ARHGAP45: variants seen among roughly 807,000 people sequenced by gnomAD.
ARHGAP45 encodes the protein Rho GTPase activating protein 45.
In ARHGAP45, 56 loss-of-function variants were observed where a neutral mutation model predicts 116.1. The observed-to-expected ratio is 0.48, with a 90% CI of 0.39 to 0.60. The LOEUF is 0.60. Ranked by LOEUF, ARHGAP45 falls within the 20% of genes least tolerant of loss-of-function variation. The pLI, the probability that ARHGAP45 is intolerant of heterozygous loss-of-function variation, is 0.00. For synonymous variants in ARHGAP45, 866 were observed against 701.7 expected (o/e 1.23, Z -3.70); for missense variants, 1,622 against 1,601.0 (o/e 1.01, Z -0.22).
rs150994364 is a variant in ARHGAP45, at chr19:1,080,477, C to G, written c.1842C>G (p.His614Gln). Residue 614 changes from histidine to glutamine, a missense_variant, in exon 15 of 23, where the codon CAC becomes CAG. By Grantham distance (24) the His-to-Gln change is conservative. This residue lies in a region of ARHGAP45 where 1,334 missense variants were observed against 1,263.8 expected (regional missense o/e 1.06). Transcript: ENST00000313093. Reference sequence around the variant, plus strand: ...CTCTTTCTCCAGCCGGGCGAGGACACCAGGTTCACAAGTCATGGCCGCTCT... The same window carrying G: ...CTCTTTCTCCAGCCGGGCGAGGACAGCAGGTTCACAAGTCATGGCCGCTCT... ...PAKDHRAGRG[H>Q]QVHKSWPLSI... The G allele has an allele frequency of 2.2e-5, 35 of 1,612,740 alleles. No homozygotes were observed. The African/African-American group carries it at 4.1e-4, about 19-fold the overall frequency.
In ARHGAP45 at chr19:1,068,199, A is replaced by C; in HGVS notation, c.91-215A>C. ...GCCCCGCCCCGGCTGTGGTTTGGGC[A>C]AGGACCGTTGTTTGTGAAAGCTCTA... is the stretch of plus-strand genomic sequence containing the variant. On this transcript the variant is annotated intron_variant, in intron 1 of 22. Coordinates refer to ENST00000313093, the MANE Select transcript of ARHGAP45 (RefSeq NM_012292.5). The surrounding 1 kb of genome is among the most constrained non-coding windows in gnomAD (Gnocchi z 7.5). The C allele has an allele frequency of 3.7e-6, 2 of 540,756 alleles. No individual in the cohort carries two copies. The highest frequency in any genetic ancestry group is 6.4e-6 in the Non-Finnish European group (2 of 314,400). 33.5% of individuals were successfully genotyped at this position (540,756 alleles called of 1,614,324 possible).
chr19:1,083,992 C>T (rs971126270), intron 21 of ARHGAP45, among the ~76,000 whole-genome samples: 7 of 152,180 alleles, frequency 4.6e-5, no homozygotes, highest in African/African-American at 1.4e-4. Flanking sequence ...CCGCACCCCC[C>T]TTGGCCTCCT....
At chr19:1,079,419 G>A (rs1020681367) in intron 11 of ARHGAP45, among the ~76,000 whole-genome samples, 1 of 150,128 alleles carries the variant, frequency 6.7e-6, no homozygotes, top group African/African-American at 2.5e-5. Flanking sequence ...AGGCAGAATT[G>A]CTTGAACCCG....
In ARHGAP45 at chr19:1,077,997, C is replaced by G; in HGVS notation, c.1326C>G (p.Thr442=). Reference sequence around the variant, plus strand: ...CGCCGGGAGCAGGCAGCACGGCCACCAAGACCCTGGACAAGCGGCGGCGGC... The same window carrying G: ...CGCCGGGAGCAGGCAGCACGGCCACGAAGACCCTGGACAAGCGGCGGCGGC... The part of the protein sequence containing the change: ...GSAPGAGSTA[T]KTLDKRRRLE... The change falls in exon 11 of 23, where the codon ACC becomes ACG. Residue 442 remains threonine, a synonymous_variant. Transcript: ENST00000313093. The G allele has an allele frequency of 6.4e-7, 1 of 1,555,576 alleles. No homozygotes were observed. The highest frequency in any genetic ancestry group is 8.7e-7 in the Non-Finnish European group (1 of 1,148,792).
At position 1,080,958 on chromosome 19, in the gene ARHGAP45, G is replaced by A; in HGVS notation, c.2084G>A (p.Gly695Glu). ...AVPSGPFRHE[G>E]LSKAARTHRL... ...CCCAGTGGACCGTTCCGCCACGAGG[G>A]GCTGTCCAAGGCGGCCCGTACTCAC... The change falls in exon 17 of 23, where the codon GGG becomes GAG. Residue 695 changes from glycine to glutamate, a missense_variant. Gly to Glu is a moderately conservative substitution (Grantham distance 98). Transcript: ENST00000313093. 6.2e-7 allele frequency: 1 copy of A among 1,608,710 alleles called. No individual in the cohort carries two copies.
rs775340010 is a variant in ARHGAP45 at position 1,067,460 on chromosome 19, A to G, written c.55A>G (p.Asn19Asp). The G allele has an allele frequency of 1.9e-6, 3 of 1,605,480 alleles. No individual in the cohort carries two copies. The highest frequency in any genetic ancestry group is 2.5e-6 in the Non-Finnish European group (3 of 1,176,560). The change falls in exon 1 of 23, where the codon AAC becomes GAC. Residue 19 changes from asparagine (N) to aspartate (D), a missense_variant. Coordinates refer to ENST00000313093, the MANE Select transcript of ARHGAP45 (RefSeq NM_012292.5). ...LMKTPSISKK[N>D]RAGSPSPQPS... ...GAAAACCCCTTCCATCTCGAAAAAG[A>G]ACCGCGCGGGAAGCCCCAGCCCGCA...
In ARHGAP45 at chr19:1,083,367, C is replaced by T; in HGVS notation, c.2955+14C>T. 1.3e-6 allele frequency: 2 copies of T among 1,539,278 alleles called. No homozygotes were observed. The highest frequency in any genetic ancestry group is 1.7e-6 in the Non-Finnish European group (2 of 1,146,340). ...CCCGGGGGCCAGGTGAGGGTGTGGGCCTGACCGGGGCTGGCCACTCGGGGC... is the reference window on the plus strand; with the variant it reads ...CCCGGGGGCCAGGTGAGGGTGTGGGTCTGACCGGGGCTGGCCACTCGGGGC... On this transcript the variant is annotated intron_variant, in intron 21 of 22. Coordinates refer to ENST00000313093, the MANE Select transcript of ARHGAP45 (RefSeq NM_012292.5).
chr19:1,081,168 G>A, intron 17 of ARHGAP45, 104 bp downstream of exon 17: 1 of 1,308,042 alleles, frequency 7.6e-7, no homozygotes, highest in Non-Finnish European at 1.0e-6. Context: ...CCAGAGCAGG[G>A]AGCAGTCGGA....
chr19:1,075,998 G>A (rs1011562552), intron 10 of ARHGAP45, among the ~76,000 whole-genome samples: 18 of 152,238 alleles, frequency 1.2e-4, no homozygotes, highest in African/African-American at 4.3e-4. Flanking sequence ...AGGCTCACCC[G>A]ATATCAGTCA....
In ARHGAP45 at chr19:1,071,094, C is replaced by T; in HGVS notation, c.422-2055C>T. On this transcript the variant is annotated intron_variant, in intron 2 of 22. Coordinates refer to ENST00000313093, the MANE Select transcript of ARHGAP45 (RefSeq NM_012292.5). This position sits in a 1 kb window ranked among gnomAD's most constrained non-coding sequence, Gnocchi z 4.6. ...TCTGGGCCTCAGTTTCCCTGCCCGT[C>T]CTCGACCCTCCCCACCTCGAAGCTC... is the stretch of plus-strand genomic sequence containing the variant. The T allele has an allele frequency of 1.0e-6, 1 of 999,194 alleles. No individual in the cohort carries two copies. The highest frequency in any genetic ancestry group is 3.8e-4 in the Middle Eastern group (1 of 2,660). 61.9% of individuals were successfully genotyped at this position (999,194 alleles called of 1,614,324 possible).
rs2043205212 is a variant in ARHGAP45, at chr19:1,074,722, C to G, written c.1102C>G (p.Gln368Glu). The change falls in exon 9 of 23, where the codon CAG (glutamine) becomes GAG (glutamate). Residue 368 changes from glutamine to glutamate, a missense_variant and splice_region_variant. By Grantham distance (29) the Gln-to-Glu change is conservative. This residue lies in a region of ARHGAP45 where 1,334 missense variants were observed against 1,263.8 expected (regional missense o/e 1.06). Transcript: ENST00000313093. ...VGTLQTQTFM[Q>E]PLTLRRLEHE... ...CACCTTGCAGACCCAGACCTTCATG[C>G]AGGTGCGTGGTGCCCGGGAGGGCGG... The G allele has an allele frequency of 9.3e-6, 15 of 1,606,552 alleles. No individual in the cohort carries two copies. Among genetic ancestry groups the G allele is most frequent in the Non-Finnish European group, 1.3e-5 (15 of 1,177,586 alleles).
In ARHGAP45 at chr19:1,085,529, C is replaced by CATCTCTCTCCCCCCTCTCCTGTCTCTCCT. The variant is rs147365366; in HGVS notation, c.3065-131_3065-130insATCTCTCTCCCCCCTCTCCTGTCTCTCCT. The CATCTCTCTCCCCCCTCTCCTGTCTCTCCT allele has an allele frequency of 8.5e-4, 544 of 643,560 alleles. 14 individuals carry two copies. In the African/African-American group the frequency reaches 0.01, roughly 12 times the overall value. The allele number at this position is 643,560 out of a possible 1,614,324, so 39.9% of individuals were successfully genotyped here. On this transcript the variant is annotated intron_variant, in intron 22 of 22. Transcript: ENST00000313093. Reference sequence around the variant, plus strand: ...CTCTCCTCCATCTCTCCTGTCTCTCCCCATCTCTCCTGTCTCTCCATCTCT... The same window carrying CATCTCTCTCCCCCCTCTCCTGTCTCTCCT: ...CTCTCCTCCATCTCTCCTGTCTCTCCATCTCTCTCCCCCCTCTCCTGTCTCTCCTCCATCTCTCCTGTCTCTCCATCTCT...
At chr19:1,078,095 A>G (rs941763668) in intron 11 of ARHGAP45, 50 bp downstream of exon 11, 2 of 1,517,172 alleles carry the variant, frequency 1.3e-6, no homozygotes, top group South Asian at 1.2e-5. Context: ...AGGAGATCCA[A>G]TGCTTGGTGT....
At chr19:1,077,408 T>G in intron 10 of ARHGAP45, 2 of 982,586 alleles carry the variant, frequency 2.0e-6, no homozygotes, top group Non-Finnish European at 1.2e-6. Flanking sequence ...CTGGAATCTC[T>G]GTTGCCCAGG....
In ARHGAP45 at chr19:1,079,853, C is replaced by G. The variant is rs1449156260; in HGVS notation, c.1512+13C>G. The G allele has an allele frequency of 1.3e-6, 2 of 1,596,760 alleles. No homozygotes were observed. The highest frequency in any genetic ancestry group is 2.2e-5 in the East Asian group (1 of 44,498). On this transcript the variant is annotated intron_variant, in intron 12 of 22. Coordinates refer to ENST00000313093, the MANE Select transcript of ARHGAP45 (RefSeq NM_012292.5). ...AACCATCAAGTCGGTGCGTGGGGTG[C>G]TCCGGCCGCCCGGGCGGGGATGGTG...
chr19:1,068,351 G>C lies in ARHGAP45; in HGVS notation c.91-63G>C, dbSNP rs1051010208. On this transcript the variant is annotated intron_variant, in intron 1 of 22. Transcript: ENST00000313093. This position sits in a 1 kb window ranked among gnomAD's most constrained non-coding sequence, Gnocchi z 7.5. ...TCCACAGCCCCACTTCATTTCTGGG[G>C]AAACTGAGGCCGTGTCCAGGCCGGA... 2.9e-6 allele frequency: 4 copies of C among 1,397,026 alleles called. No homozygotes were observed. The highest frequency in any genetic ancestry group is 3.8e-6 in the Non-Finnish European group (4 of 1,048,384). 86.5% of individuals were successfully genotyped at this position (1,397,026 alleles called of 1,614,324 possible). A position where few individuals can be genotyped will look rare whatever the true frequency, so the allele number is the denominator to read the frequency against.
Position 1,080,560 on chromosome 19 carries a change from C to G in ARHGAP45, c.1912+13C>G. On this transcript the variant is annotated intron_variant, in intron 15 of 22. Transcript: ENST00000313093. ...GGCCCTGGCGCAGGTGAGGGAGGCT[C>G]TCTGGCGGGCTGGGGTGTGGAGCTG... 6.2e-7 allele frequency: 1 copy of G among 1,612,294 alleles called. No individual in the cohort carries two copies. Among genetic ancestry groups the G allele is most frequent in the Middle Eastern group, 1.7e-4 (1 of 6,058 alleles).
rs919127240 is a variant in ARHGAP45 at position 1,082,982 on chromosome 19, T to C, written c.2660T>C (p.Leu887Pro). ...GSESEAVAVA[L>P]AGRLRELLRD... ...GAGAGCGAGGCAGTGGCGGTGGCCC[T>C]GGCAGGTCGGCTGCGGGAGCTCCTG... Residue 887 changes from leucine to proline, a missense_variant, in exon 20 of 23, where the codon CTG becomes CCG. Transcript: ENST00000313093. The C allele has an allele frequency of 6.4e-7, 1 of 1,553,868 alleles. No homozygotes were observed. Among genetic ancestry groups the C allele is most frequent in the East Asian group, 2.3e-5 (1 of 42,806 alleles).
rs558896836 is a variant in ARHGAP45, at chr19:1,081,185, T to G, written c.2190+121T>G. On this transcript the variant is annotated intron_variant, in intron 17 of 22. Coordinates refer to ENST00000313093, the MANE Select transcript of ARHGAP45 (RefSeq NM_012292.5). ...AGAGCAGGGAGCAGTCGGACGCCTT[T>G]GGAAGGAAGCGAACGGAGGGGGTGG... 95 of 1,170,142 alleles carry G rather than the reference T, an allele frequency of 8.1e-5. No homozygotes were observed. In the East Asian group the frequency reaches 1.9e-3, roughly 23 times the overall value. 72.5% of individuals were successfully genotyped at this position (1,170,142 alleles called of 1,614,324 possible).
Sources: gnomAD v4.1 joint callset for allele counts (sites outside exome capture counted in the v4.1 genomes callset) on GRCh38, gnomAD v4.1.1 for gene constraint, gnomAD v4.1.1 regional missense constraint, Gnocchi (gnomAD v3.1) non-coding constraint, MANE v1.5 for transcripts, NCBI Gene and HGNC (gene_info 2026-07-23, HGNC 2026-07-21) for gene names.